ZC3HAV1: variants seen among roughly 807,000 people sequenced by gnomAD.
ZC3HAV1 encodes zinc finger CCCH-type containing, antiviral 1.
A neutral mutation model predicts 86.6 loss-of-function variants in ZC3HAV1; 41 were observed. The observed-to-expected ratio is 0.47, with a 90% confidence interval of 0.37 to 0.61. The LOEUF (loss-of-function observed/expected upper bound fraction) is 0.61, where lower values mean the gene tolerates loss of function less well. Ranked by LOEUF, ZC3HAV1 falls within the 20% of genes least tolerant of loss-of-function variation. ZC3HAV1 has a pLI of 0.00. For missense variants in ZC3HAV1, 964 were observed against 1,141.1 expected, an observed-to-expected ratio of 0.84 and a Z score of 2.24; for synonymous variants, 421 against 432.1, an observed-to-expected ratio of 0.97 and a Z score of 0.32.
chr7:139,074,474 C>G (rs1816875614), intron 6 of ZC3HAV1, among the ~76,000 whole-genome samples: 1 of 152,114 alleles, frequency 6.6e-6, no homozygotes, highest in Non-Finnish European at 1.5e-5. Flanking sequence ...CTTTCATTCT[C>G]TCAGGAATAC....
rs943930244 is a variant in ZC3HAV1, at chr7:139,058,448, C to T, written c.2096+2588G>A. On this transcript the variant is annotated intron_variant, in intron 9 of 12. Transcript: ENST00000242351. ...CAGCAACCTAACCCCCAACCCCCCC[C>T]CCCCCCACAAAAAAACACCAAAATA... 4.1e-5 allele frequency among the ~76,000 whole-genome samples: 6 copies of T among 147,350 alleles called. No individual in the cohort carries two copies. The South Asian group carries it at 1.1e-3, about 27-fold the overall frequency.
At chr7:139,088,028 T>C (rs575086196) in intron 2 of ZC3HAV1, among the ~76,000 whole-genome samples, 2 of 90,684 alleles carry the variant, frequency 2.2e-5, no homozygotes, top group East Asian at 6.1e-4. Context: ...CAAGATCCTG[T>C]CTCAAAAAAA....
At position 139,046,478 on chromosome 7, in the gene ZC3HAV1, T is replaced by C. The variant is rs1297641704; in HGVS notation, c.*1116A>G. 6.6e-6 allele frequency: 1 copy of C among 152,226 alleles called. No individual in the cohort carries two copies. The highest frequency in any genetic ancestry group is 1.9e-4 in the East Asian group (1 of 5,200). The allele number at this position is 152,226 out of a possible 1,614,324, so 9.4% of individuals were successfully genotyped here. ...CTGACCTGAGAAAAAGCCTTCTCTG[T>C]AATCATATTAATTAGAACATAAATG... On this transcript the variant is annotated 3_prime_UTR_variant, in exon 13 of 13. Coordinates refer to ENST00000242351, the MANE Select transcript of ZC3HAV1 (RefSeq NM_020119.4).
chr7:139,091,624 C>CT (rs1257871356), intron 1 of ZC3HAV1, among the ~76,000 whole-genome samples: 1 of 152,046 alleles, frequency 6.6e-6, no homozygotes, highest in East Asian at 1.9e-4. Context: ...TTAATGTTTT[C>CT]TTTTCTTTTT....
intron 7 of ZC3HAV1, among the ~76,000 whole-genome samples, chr7:139,067,047 C>T (rs1351911140): frequency 6.6e-6 from 1 of 152,202 alleles, no homozygotes; most frequent in East Asian, 1.9e-4. Context: ...CCTCTAGGGT[C>T]TAGACCAGTG....
intron 8 of ZC3HAV1, among the ~76,000 whole-genome samples, chr7:139,062,082 G>A (rs1332069069): frequency 6.6e-6 from 1 of 152,222 alleles, no homozygotes; most frequent in East Asian, 1.9e-4. Context: ...GGTGTATGTG[G>A]TGTTGCTGGG....
rs539823359 is a variant in ZC3HAV1, at chr7:139,082,377, A to G, written c.697+1403T>C. Reference sequence around the variant, plus strand: ...AATGATAGAGGATGTGAGAAATTTGAACCCATGTGCACTGCTGGCAGAAAT... The same window carrying G: ...AATGATAGAGGATGTGAGAAATTTGGACCCATGTGCACTGCTGGCAGAAAT... On this transcript the variant is annotated intron_variant, in intron 3 of 12. Transcript: ENST00000242351. Among the ~76,000 whole-genome samples, 63 of 152,268 alleles carry G rather than the reference A, an allele frequency of 4.1e-4. 1 individual carries two copies. The highest frequency in any genetic ancestry group is 1.4e-3 in the African/African-American group (58 of 41,550).
intron 12 of ZC3HAV1, among the ~76,000 whole-genome samples, chr7:139,051,405 A>ATTT (rs58931897): frequency 3.0e-5 from 4 of 133,082 alleles, no homozygotes; most frequent in South Asian, 2.4e-4. Context: ...CAATCATTTA[A>ATTT]TTTTTTTTTT....
At chr7:139,063,235 T>C (rs1816500424) in intron 8 of ZC3HAV1, among the ~76,000 whole-genome samples, 2 of 128,628 alleles carry the variant, frequency 1.6e-5, no homozygotes, top group Admixed American at 1.7e-4. Context: ...ATAAAAACAA[T>C]ACAATACCAC....
intron 5 of ZC3HAV1, 24 bp downstream of exon 5, chr7:139,078,528 C>T (rs1817023908): frequency 1.3e-6 from 2 of 1,557,804 alleles, no homozygotes; most frequent in Non-Finnish European, 1.7e-6. Flanking sequence ...TGGAAGCTTA[C>T]AGAAAAGTCC....
chr7:139,064,087 C>T (rs1816528587), intron 8 of ZC3HAV1, among the ~76,000 whole-genome samples: 1 of 152,226 alleles, frequency 6.6e-6, no homozygotes, highest in African/African-American at 2.4e-5. Flanking sequence ...CATGTACTGC[C>T]AGACTGTTTT....
At position 139,109,045 on chromosome 7, in the gene ZC3HAV1, C is replaced by T; in HGVS notation, c.287G>A (p.Cys96Tyr). The T allele has an allele frequency of 6.3e-7, 1 of 1,577,552 alleles. No individual in the cohort carries two copies. Among genetic ancestry groups the T allele is most frequent in the Non-Finnish European group, 8.6e-7 (1 of 1,158,336 alleles). The change falls in exon 1 of 13, where the codon TGC becomes TAC. Residue 96 changes from cysteine to tyrosine, a missense_variant. Cys to Tyr is a radical substitution (Grantham distance 194). Coordinates refer to ENST00000242351, the MANE Select transcript of ZC3HAV1 (RefSeq NM_020119.4). Reference sequence around the variant, plus strand: ...TCACCGCTCGGACTGCGAATAGTTGCACCGGCCCAGCAAGTTGAGTTTGCA... The same window carrying T: ...TCACCGCTCGGACTGCGAATAGTTGTACCGGCCCAGCAAGTTGAGTTTGCA... ...HLCKLNLLGR[C>Y]NYSQSERNLC... is the part of the protein sequence containing the mutation.
intron 1 of ZC3HAV1, among the ~76,000 whole-genome samples, chr7:139,100,714 A>T (rs1409575142): frequency 1.3e-5 from 2 of 152,084 alleles, no homozygotes; most frequent in African/African-American, 4.8e-5. Flanking sequence ...TTCGGAAAAC[A>T]ATTTGGCATT....
In ZC3HAV1 at chr7:139,079,458, C is replaced by G. The variant is rs769348534; in HGVS notation, c.1471+12G>C. On this transcript the variant is annotated intron_variant, in intron 4 of 12. Transcript: ENST00000242351. ...AATGTACTAGCCCAAAGTGTCTTCC[C>G]TTTGTATTTACCGTTAACAAGTGCT... 2 of 1,614,072 alleles carry G rather than the reference C, an allele frequency of 1.2e-6. No individual in the cohort carries two copies. The highest frequency in any genetic ancestry group is 4.5e-5 in the East Asian group (2 of 44,886).
chr7:139,090,817 G>A (rs1389236776), intron 1 of ZC3HAV1, among the ~76,000 whole-genome samples: 1 of 152,138 alleles, frequency 6.6e-6, no homozygotes, highest in Non-Finnish European at 1.5e-5. Context: ...CAACTCTCTA[G>A]ATTGCCTTCA....
chr7:139,105,386 T>G (rs975213646), intron 1 of ZC3HAV1, among the ~76,000 whole-genome samples: 1 of 152,204 alleles, frequency 6.6e-6, no homozygotes, highest in Non-Finnish European at 1.5e-5. Flanking sequence ...AACCTGGATA[T>G]CATCTCCAAA....
Position 139,063,639 on chromosome 7 carries a change from G to A in ZC3HAV1, c.1993+1240C>T, listed in dbSNP as rs112734132. 4.7e-5 allele frequency among the ~76,000 whole-genome samples: 7 copies of A among 150,394 alleles called. No individual in the cohort carries two copies. The East Asian group carries it at 7.9e-4, about 17-fold the overall frequency. ...GTTGGGAGGCTGAGGTGACAGGATC[G>A]CTTGAGCCAGGGAGGTTGAGGCTGC... On this transcript the variant is annotated intron_variant, in intron 8 of 12. Coordinates refer to ENST00000242351, the MANE Select transcript of ZC3HAV1 (RefSeq NM_020119.4).
intron 7 of ZC3HAV1, among the ~76,000 whole-genome samples, chr7:139,072,226 C>G (rs532716029): frequency 1.3e-5 from 2 of 152,096 alleles, no homozygotes; most frequent in Middle Eastern, 6.8e-3. Context: ...ACTTTTGTCA[C>G]CCAGACTGGA....
chr7:139,078,975 C>T, intron 4 of ZC3HAV1: 1 of 1,322,298 alleles, frequency 7.6e-7, no homozygotes, highest in Non-Finnish European at 1.0e-6. Flanking sequence ...CACCAGACCA[C>T]CCCATAACCA....
Sources: gnomAD v4.1 joint callset for allele counts (sites outside exome capture counted in the v4.1 genomes callset) on GRCh38, gnomAD v4.1.1 for gene constraint, MANE v1.5 for transcripts, NCBI Gene and HGNC (gene_info 2026-07-23, HGNC 2026-07-21) for gene names.